The following EMC3 variants were observed in gnomAD, a reference collection of about 807,000 sequenced individuals.
EMC3 encodes the protein ER membrane protein complex subunit 3, also known as 30 kDa protein.
Under a neutral mutation model 36.6 loss-of-function variants are expected in EMC3, and 13 were observed. The ratio of observed to expected loss-of-function variants is 0.35; its 90% CI spans 0.23 to 0.56. The LOEUF (loss-of-function observed/expected upper bound fraction) is 0.56. EMC3 is among the 20% of genes least tolerant of loss of function. The pLI is 0.84. For synonymous variants in EMC3, 120 were observed against 111.9 expected, an observed-to-expected ratio of 1.07 and a Z score of -0.46; for missense variants, 220 against 324.5, an observed-to-expected ratio of 0.68 and a Z score of 2.47.
upstream of EMC3, among the ~76,000 whole-genome samples, chr3:9,989,919 G>A (rs13099507): frequency 0.17 from 24,797 of 149,124 alleles, 2,118 homozygotes; most frequent in South Asian, 0.21. Context: ...AAGAGAAGTA[G>A]TAAAATTTGT....
chr3:9,984,598 A>G (rs1196692350), intron 1 of EMC3, among the ~76,000 whole-genome samples: 9 of 147,264 alleles, frequency 6.1e-5, no homozygotes, highest in East Asian at 6.1e-4. Context: ...TCACCATGTT[A>G]GCCAGGATGG....
chr3:9,969,944 T>TG, intron 6 of EMC3, 143 bp from the exon 7 acceptor site: 1 of 1,360,158 alleles, frequency 7.4e-7, no homozygotes, highest in Non-Finnish European at 9.7e-7. Context: ...TATGTGACTC[T>TG]AGGAAAGTCA....
At chr3:10,008,402 A>G (rs202150960) in intron 1 of EMC3, 126 of 1,367,456 alleles carry the variant, frequency 9.2e-5, no homozygotes, top group Admixed American at 7.2e-4. Context: ...TCAAGTGTCT[A>G]CCTGGGCCGG....
At chr3:9,997,805 G>A (rs1011979071) in intron 1 of EMC3, among the ~76,000 whole-genome samples, 1 of 152,092 alleles carries the variant, frequency 6.6e-6, no homozygotes, top group Non-Finnish European at 1.5e-5. Context: ...TTCATCCATT[G>A]ATGGACACTT....
upstream of EMC3, among the ~76,000 whole-genome samples, chr3:9,989,961 CTT>C (rs75432385): frequency 1.1e-4 from 15 of 133,636 alleles, no homozygotes; most frequent in Non-Finnish European, 1.6e-4. Flanking sequence ...GCCTTTTTAA[CTT>C]TTTTTTTTTT....
At chr3:9,983,816 G>C (rs1462547626) in intron 1 of EMC3, among the ~76,000 whole-genome samples, 2 of 152,300 alleles carry the variant, frequency 1.3e-5, no homozygotes, top group African/African-American at 2.4e-5. Flanking sequence ...GAGAATCTAC[G>C]ACAGCAGGAA....
Position 9,974,499 on chromosome 3 carries a change from A to G in EMC3, c.308-11T>C. The G allele has an allele frequency of 6.4e-7, 1 of 1,557,206 alleles. No individual in the cohort carries two copies. Among genetic ancestry groups the G allele is most frequent in the Non-Finnish European group, 8.9e-7 (1 of 1,128,940 alleles). Reference sequence around the variant, plus strand: ...TCAACATAGTAGGATCTAAGACAAAAGCACAAACAAGAAACCACTAAGTTT... The same window carrying G: ...TCAACATAGTAGGATCTAAGACAAAGGCACAAACAAGAAACCACTAAGTTT... On this transcript the variant is annotated splice_polypyrimidine_tract_variant and intron_variant, in intron 3 of 7. Coordinates refer to ENST00000245046, the MANE Select transcript of EMC3 (RefSeq NM_001394674.1).
chr3:10,007,604 G>C (rs777926133), intron 1 of EMC3: 6 of 1,367,462 alleles, frequency 4.4e-6, no homozygotes, highest in Middle Eastern at 4.2e-4. Flanking sequence ...GAGGGTTGAT[G>C]GCAAGACACA....
chr3:9,987,907 T>C (rs892847240), upstream of EMC3: 31 of 992,302 alleles, frequency 3.1e-5, no homozygotes, highest in Non-Finnish European at 4.8e-5. Flanking sequence ...TTTCTGCAGG[T>C]AATCTCTGAG....
At chr3:9,984,889 G>A (rs2085953450) in intron 1 of EMC3, among the ~76,000 whole-genome samples, 2 of 152,264 alleles carry the variant, frequency 1.3e-5, no homozygotes, top group Middle Eastern at 6.8e-3. Flanking sequence ...CGAACGGGTG[G>A]GATGGAACTT....
At chr3:10,003,699 A>C (rs1306470728) in intron 1 of EMC3, 1 of 184,632 alleles carries the variant, frequency 5.4e-6, no homozygotes, top group African/African-American at 2.3e-5. Context: ...CTGTCACTTC[A>C]ATATTGTACG....
intron 1 of EMC3, chr3:10,002,729 C>T: frequency 2.3e-6 from 1 of 426,446 alleles, no homozygotes; most frequent in Non-Finnish European, 4.7e-6. Flanking sequence ...ACAGAGTATG[C>T]AAGAGGAGGA....
chr3:10,009,423 A>G (rs559266681), intron 1 of EMC3, among the ~76,000 whole-genome samples: 5 of 152,298 alleles, frequency 3.3e-5, no homozygotes, highest in Admixed American at 6.5e-5. Flanking sequence ...CGGGAGGAAA[A>G]GCAAACCCCA....
intron 5 of EMC3, among the ~76,000 whole-genome samples, chr3:9,971,408 T>C (rs1215555849): frequency 6.6e-6 from 1 of 152,104 alleles, no homozygotes; most frequent in African/African-American, 2.4e-5. Context: ...AAAATGCATA[T>C]GGGAAGTGAT....
intron 1 of EMC3, among the ~76,000 whole-genome samples, chr3:10,002,103 AT>A (rs2086208544): frequency 6.6e-6 from 1 of 151,978 alleles, no homozygotes. Context: ...TTCCATGTGA[AT>A]TTTGGTATGG....
intron 1 of EMC3, among the ~76,000 whole-genome samples, chr3:9,983,276 T>A (rs1284572965): frequency 6.6e-6 from 1 of 152,016 alleles, no homozygotes; most frequent in African/African-American, 2.4e-5. Flanking sequence ...GGCTCCCTAG[T>A]AGCTGGGATT....
chr3:9,991,123 C>T (rs566025119), upstream of EMC3, among the ~76,000 whole-genome samples: 5 of 152,154 alleles, frequency 3.3e-5, no homozygotes, highest in Admixed American at 6.5e-5. Flanking sequence ...CCACCGCGCC[C>T]GGCCATTCTT....
chr3:9,997,319 C>T (rs1029159556), intron 1 of EMC3, among the ~76,000 whole-genome samples: 7 of 152,078 alleles, frequency 4.6e-5, no homozygotes, highest in Non-Finnish European at 8.8e-5. Flanking sequence ...ATCTACCCGC[C>T]TCGCCCTCCC....
chr3:9,981,525 T>A (rs1335170694), intron 1 of EMC3: 1 of 157,286 alleles, frequency 6.4e-6, no homozygotes, highest in African/African-American at 2.4e-5. Flanking sequence ...TTTATTTTCA[T>A]GAATATCTAA....
Sources: gnomAD v4.1 joint callset for allele counts (sites outside exome capture counted in the v4.1 genomes callset) on GRCh38, gnomAD v4.1.1 for gene constraint, MANE v1.5 for transcripts, NCBI Gene and HGNC (gene_info 2026-07-23, HGNC 2026-07-21) for gene names.